COL4A2: variants seen among roughly 807,000 people sequenced by gnomAD.
The protein encoded by COL4A2 is collagen alpha-2(IV) chain.
Under a neutral mutation model 200.2 loss-of-function variants are expected in COL4A2, and 99 were observed. The observed-to-expected ratio is 0.49, with a 90% CI of 0.42 to 0.58. The LOEUF is 0.58. COL4A2 is among the 20% of genes least tolerant of loss of function. The pLI is 0.00. For missense variants in COL4A2, 1,950 were observed against 2,314.1 expected, an observed-to-expected ratio of 0.84 and a Z score of 3.23; for synonymous variants, 897 against 900.6, an observed-to-expected ratio of 1.00 and a Z score of 0.07.
chr13:110,401,113 C>T (rs980791212), intron 4 of COL4A2, among the ~76,000 whole-genome samples: 1 of 152,156 alleles, frequency 6.6e-6, no homozygotes, highest in Non-Finnish European at 1.5e-5. Flanking sequence ...TTCAGCTTTG[C>T]CCTTTATCAT....
chr13:110,429,977 AG>A, intron 8 of COL4A2, 21 bp downstream of exon 8: 1 of 1,578,706 alleles, frequency 6.3e-7, no homozygotes, highest in Non-Finnish European at 8.6e-7. Flanking sequence ...AAGAGATGGG[AG>A]GGGTAATGAA....
At chr13:110,310,173 C>T (rs7334306) in intron 3 of COL4A2, among the ~76,000 whole-genome samples, 25,122 of 152,206 alleles carry the variant, frequency 0.17, 2,155 homozygotes, top group Middle Eastern at 0.22. Context: ...AAGCTCACCC[C>T]CAGTCTCTTT....
chr13:110,505,524 G>C (rs1490200053), intron 45 of COL4A2, among the ~76,000 whole-genome samples: 78 of 152,154 alleles, frequency 5.1e-4, no homozygotes, highest in Admixed American at 5.1e-3. Flanking sequence ...AGACAAGCTA[G>C]GGATGGTGGA....
intron 4 of COL4A2, among the ~76,000 whole-genome samples, chr13:110,415,643 G>A (rs1380061790): frequency 1.3e-5 from 2 of 151,994 alleles, no homozygotes; most frequent in Non-Finnish European, 2.9e-5. Flanking sequence ...CATATATATA[G>A]ACCGCTTTTC....
intron 3 of COL4A2, among the ~76,000 whole-genome samples, chr13:110,316,533 C>T (rs1885133442): frequency 6.6e-6 from 1 of 152,136 alleles, no homozygotes; most frequent in Non-Finnish European, 1.5e-5. Flanking sequence ...GGAAGAGGTC[C>T]CCTGGGAGAT....
intron 3 of COL4A2, among the ~76,000 whole-genome samples, chr13:110,337,121 A>G (rs1876227954): frequency 1.3e-5 from 2 of 152,246 alleles, no homozygotes; most frequent in East Asian, 1.9e-4. Flanking sequence ...CGTAGGACGT[A>G]TAATATATGC....
intron 20 of COL4A2, chr13:110,456,500 A>G (rs993589740): frequency 9.2e-6 from 3 of 326,318 alleles, no homozygotes; most frequent in Admixed American, 9.3e-5. Flanking sequence ...TTTGGACTCA[A>G]TGTTTCTCAA....
intron 47 of COL4A2, among the ~76,000 whole-genome samples, chr13:110,509,245 T>TTATATA (rs374846915): frequency 0.024 from 1,699 of 71,666 alleles, 23 homozygotes; most frequent in East Asian, 0.031. Context: ...ATTTCATAAA[T>TTATATA]TATATATATA....
chr13:110,358,491 T>G (rs944635762), intron 4 of COL4A2, among the ~76,000 whole-genome samples: 1 of 152,180 alleles, frequency 6.6e-6, no homozygotes, highest in African/African-American at 2.4e-5. Context: ...AAGTAGAGTA[T>G]AGTAAATGCA....
At chr13:110,449,896 T>C (rs1170954446) in intron 19 of COL4A2, 107 bp downstream of exon 19, 2 of 1,245,602 alleles carry the variant, frequency 1.6e-6, no homozygotes, top group Non-Finnish European at 2.2e-6. Context: ...TCGTTGTTAC[T>C]TTTCCCCACT....
At chr13:110,510,492 G>A (rs557637954) in intron 47 of COL4A2, among the ~76,000 whole-genome samples, 6 of 72,700 alleles carry the variant, frequency 8.3e-5, no homozygotes, top group South Asian at 1.4e-3. Flanking sequence ...TAAGATACAT[G>A]AGCTGCTATG....
chr13:110,423,494 A>G (rs1050024418), intron 4 of COL4A2, among the ~76,000 whole-genome samples: 3 of 152,168 alleles, frequency 2.0e-5, no homozygotes, highest in Admixed American at 2.0e-4. Context: ...GCTGGGCTTA[A>G]CACCTAGGTG....
intron 4 of COL4A2, among the ~76,000 whole-genome samples, chr13:110,393,968 T>C (rs1318607467): frequency 6.6e-6 from 1 of 152,188 alleles, no homozygotes; most frequent in African/African-American, 2.4e-5. Context: ...AGTAAAAACC[T>C]TCCAGCAGAA....
chr13:110,510,640 G>A (rs984206148), intron 47 of COL4A2, among the ~76,000 whole-genome samples: 20 of 148,980 alleles, frequency 1.3e-4, no homozygotes, highest in Admixed American at 5.4e-4. Context: ...GTGTACATGC[G>A]TGCATTTGTG....
At chr13:110,381,041 CCTA>C (rs1878465400) in intron 4 of COL4A2, among the ~76,000 whole-genome samples, 1 of 147,000 alleles carries the variant, frequency 6.8e-6, no homozygotes, top group Admixed American at 6.8e-5. Flanking sequence ...CTGTCTCACA[CCTA>C]CGGGCTCTGT....
intron 4 of COL4A2, among the ~76,000 whole-genome samples, chr13:110,375,122 G>A (rs1033856073): frequency 9.2e-5 from 14 of 152,310 alleles, no homozygotes; most frequent in Admixed American, 2.6e-4. Flanking sequence ...TCTGAGATGC[G>A]ATACTTCTCG....
rs774669942 is a variant in COL4A2, at chr13:110,484,969, T to C, written c.2967T>C (p.Ile989=). The change falls in exon 33 of 48, where the codon ATT becomes ATC. Residue 989 remains isoleucine, a synonymous_variant. Transcript: ENST00000360467. ...TCATCCTGCCAGGAATGAAAGACAT[T>C]AAAGGAGAGAAAGGAGATGAAGGGC... ...PPVILPGMKD[I]KGEKGDEGPM... 1.9e-6 allele frequency: 3 copies of C among 1,612,662 alleles called. No individual in the cohort carries two copies. In the African/African-American group the frequency reaches 4.0e-5, roughly 22 times the overall value.
intron 10 of COL4A2, 165 bp downstream of exon 10, chr13:110,430,772 T>C: frequency 1.0e-6 from 1 of 969,010 alleles, no homozygotes; most frequent in Non-Finnish European, 1.7e-6. Flanking sequence ...CCTTGCACAC[T>C]TTGCTGCTGT....
At chr13:110,367,114 A>G (rs4773168) in intron 4 of COL4A2, among the ~76,000 whole-genome samples, 151,387 of 152,304 alleles carry the variant, frequency 0.99, 75,245 homozygotes, top group East Asian at 1. Context: ...CCAGGAACCC[A>G]ATGTAAGCCC....
Sources: gnomAD v4.1 joint callset for allele counts (sites outside exome capture counted in the v4.1 genomes callset) on GRCh38, gnomAD v4.1.1 for gene constraint, MANE v1.5 for transcripts, NCBI Gene and HGNC (gene_info 2026-07-23, HGNC 2026-07-21) for gene names.